The following FAM53B variants were observed in gnomAD, a reference collection of about 807,000 sequenced individuals.
FAM53B encodes the protein family with sequence similarity 53 member B.
FAM53B carries 12 observed loss-of-function variants against 32.7 expected under a neutral mutation model. The ratio of observed to expected loss-of-function variants is 0.37; its 90% CI spans 0.24 to 0.59. The LOEUF is 0.59. FAM53B is among the 20% of genes least tolerant of loss of function. The pLI is 0.72. For missense variants in FAM53B, 477 were observed against 577.7 expected, an observed-to-expected ratio of 0.83 and a Z score of 1.79; for synonymous variants, 234 against 228.7, an observed-to-expected ratio of 1.02 and a Z score of -0.21.
intron 1 of FAM53B, among the ~76,000 whole-genome samples, chr10:124,734,890 A>G (rs1950164679): frequency 6.6e-6 from 1 of 152,216 alleles, no homozygotes; most frequent in Non-Finnish European, 1.5e-5. Flanking sequence ...ACAGAAGCCA[A>G]GCGGCACAGC....
intron 4 of FAM53B, among the ~76,000 whole-genome samples, chr10:124,630,854 A>G (rs150576643): frequency 6.6e-6 from 1 of 152,242 alleles, no homozygotes; most frequent in African/African-American, 2.4e-5. Flanking sequence ...TGCCAGCCAG[A>G]CTGTGGTCAC....
chr10:124,732,337 G>A (rs1300164862), intron 1 of FAM53B, among the ~76,000 whole-genome samples: 5 of 152,206 alleles, frequency 3.3e-5, no homozygotes, highest in African/African-American at 9.6e-5. Context: ...CCAGAAACCG[G>A]GCAGGATCAG....
At position 124,678,062 on chromosome 10, in the gene FAM53B, C is replaced by T. The variant is rs1053053472; in HGVS notation, c.906+3545G>A. ...TGAACAAACAAGACAAAGAAAGTGG[C>T]GTGAACAGAAAAGGGAGGATGGAAA... On this transcript the variant is annotated intron_variant, in intron 4 of 4. Coordinates refer to ENST00000337318, the MANE Select transcript of FAM53B (RefSeq NM_014661.4). 6.6e-4 allele frequency among the ~76,000 whole-genome samples: 100 copies of T among 152,294 alleles called. 1 individual carries two copies. Among genetic ancestry groups the T allele is most frequent in the Middle Eastern group, 3.4e-3 (1 of 294 alleles).
chr10:124,680,755 G>A (rs921092516), intron 4 of FAM53B, among the ~76,000 whole-genome samples: 1 of 152,184 alleles, frequency 6.6e-6, no homozygotes, highest in Non-Finnish European at 1.5e-5. Flanking sequence ...TCAGACCGTG[G>A]CATTAAGCAA....
intron 4 of FAM53B, among the ~76,000 whole-genome samples, chr10:124,672,828 G>T (rs1482414680): frequency 1.3e-5 from 2 of 152,212 alleles, no homozygotes; most frequent in Admixed American, 6.5e-5. Flanking sequence ...CAAGGACTGG[G>T]GGGTAAGACA....
At chr10:124,701,294 GAA>G (rs1564881727) in intron 2 of FAM53B, among the ~76,000 whole-genome samples, 2 of 152,254 alleles carry the variant, frequency 1.3e-5, no homozygotes, top group African/African-American at 2.4e-5. Flanking sequence ...CCTCAGGTAA[GAA>G]AAGTCATTTA....
chr10:124,664,848 C>T (rs998743800), intron 4 of FAM53B, among the ~76,000 whole-genome samples: 3 of 152,130 alleles, frequency 2.0e-5, no homozygotes, highest in African/African-American at 7.2e-5. Context: ...CCTCTCACTG[C>T]GTGGGGCCAG....
At chr10:124,662,485 T>C (rs55758783) in intron 4 of FAM53B, among the ~76,000 whole-genome samples, 80 of 73,176 alleles carry the variant, frequency 1.1e-3, no homozygotes, top group South Asian at 2.0e-3. Flanking sequence ...CATCCATCCA[T>C]CCATCCATCC....
At chr10:124,625,024 C>T (rs982962793) in intron 4 of FAM53B, among the ~76,000 whole-genome samples, 6 of 152,196 alleles carry the variant, frequency 3.9e-5, no homozygotes, top group Non-Finnish European at 7.3e-5. Flanking sequence ...TTGGAGCACC[C>T]GCCGCCTCCC....
intron 4 of FAM53B, among the ~76,000 whole-genome samples, chr10:124,666,779 C>T (rs1286034786): frequency 5.3e-5 from 8 of 152,234 alleles, no homozygotes; most frequent in African/African-American, 1.9e-4. Flanking sequence ...GCCTCCCGGA[C>T]CAGCCCCACG....
At chr10:124,686,158 C>T (rs903169652) in intron 3 of FAM53B, among the ~76,000 whole-genome samples, 5 of 152,188 alleles carry the variant, frequency 3.3e-5, no homozygotes, top group African/African-American at 9.7e-5. Context: ...TATGCACCAG[C>T]GATTCTTTAT....
chr10:124,664,950 C>T (rs1310124704), intron 4 of FAM53B, among the ~76,000 whole-genome samples: 1 of 152,222 alleles, frequency 6.6e-6, no homozygotes, highest in Non-Finnish European at 1.5e-5. Flanking sequence ...CAGGTTGGCT[C>T]CCCAAGGACA....
chr10:124,701,621 G>A (rs781481118), intron 2 of FAM53B, among the ~76,000 whole-genome samples: 8 of 152,220 alleles, frequency 5.3e-5, no homozygotes, highest in Non-Finnish European at 7.3e-5. Context: ...TCAAACGTCT[G>A]GGCTGCCTTC....
chr10:124,717,996 C>T lies in FAM53B; in HGVS notation c.-174-11109G>A, dbSNP rs377213182. On this transcript the variant is annotated intron_variant, in intron 1 of 4. Transcript: ENST00000337318. ...CACTCAGCAGGCAGGGAGAAGCATT[C>T]CTGTTGGTGTCTACAGCTCTCACAG... is the stretch of plus-strand genomic sequence containing the variant. 2.6e-5 allele frequency among the ~76,000 whole-genome samples: 4 copies of T among 152,134 alleles called. No homozygotes were observed. The East Asian group carries it at 7.7e-4, about 29-fold the overall frequency.
At chr10:124,654,705 C>A (rs900087339) in intron 4 of FAM53B, among the ~76,000 whole-genome samples, 1 of 152,176 alleles carries the variant, frequency 6.6e-6, no homozygotes, top group Non-Finnish European at 1.5e-5. Flanking sequence ...GACATCTCTG[C>A]GGACATGAGT....
chr10:124,671,889 C>T (rs866464010), intron 4 of FAM53B, among the ~76,000 whole-genome samples: 1 of 152,190 alleles, frequency 6.6e-6, no homozygotes. Flanking sequence ...GCAATTAACA[C>T]CCACTCTGAG....
intron 4 of FAM53B, among the ~76,000 whole-genome samples, chr10:124,665,923 CGTAGACACAGCT>C (rs60403361): frequency 0.13 from 20,528 of 152,222 alleles, 1,592 homozygotes; most frequent in African/African-American, 0.19. Flanking sequence ...TAGTCGGCTA[CGTAGACACAGCT>C]GTCTCCACCC....
At chr10:124,647,121 C>T (rs905984863) in intron 4 of FAM53B, among the ~76,000 whole-genome samples, 4 of 152,186 alleles carry the variant, frequency 2.6e-5, no homozygotes, top group Non-Finnish European at 5.9e-5. Context: ...AGCGAGGCAT[C>T]GGGGCCGCAT....
intron 4 of FAM53B, among the ~76,000 whole-genome samples, chr10:124,659,577 A>G (rs1214324291): frequency 1.3e-5 from 2 of 152,382 alleles, no homozygotes; most frequent in East Asian, 3.9e-4. Flanking sequence ...CCACTGCCTA[A>G]CTTTGAGGTG....
Sources: allele counts gnomAD v4.1 joint callset (sites outside exome capture counted in the v4.1 genomes callset), GRCh38; gene constraint gnomAD v4.1.1; transcripts MANE v1.5; gene names NCBI Gene and HGNC (gene_info 2026-07-23, HGNC 2026-07-21).